Variants in NIN observed in about 807,000 individuals in gnomAD.
The protein encoded by NIN is glycogen synthase kinase 3 beta-interacting protein.
NIN carries 137 observed loss-of-function variants against 257.6 expected under a neutral mutation model. The observed-to-expected ratio is 0.53, with a 90% CI of 0.46 to 0.61. The LOEUF is 0.61. NIN is among the 20% of genes least tolerant of loss of function. The pLI, the probability that NIN is intolerant of heterozygous loss-of-function variation, is 0.00. For missense variants in NIN, 2,439 were observed against 2,501.2 expected (o/e 0.98, Z 0.53); for synonymous variants, 918 against 919.8 (o/e 1.00, Z 0.04).
chr14:50,806,945 T>C, intron 3 of NIN, 127 bp from the exon 4 acceptor site: 1 of 484,570 alleles, frequency 2.1e-6, no homozygotes, highest in South Asian at 3.7e-5. Flanking sequence ...ATCCAATTTG[T>C]TGCCCTTTTC....
chr14:50,758,110 T>C lies in NIN; in HGVS notation c.2920A>G (p.Met974Val). 5 of 1,614,214 alleles carry C rather than the reference T, an allele frequency of 3.1e-6. No homozygotes were observed. Among genetic ancestry groups the C allele is most frequent in the Non-Finnish European group, 4.2e-6 (5 of 1,180,036 alleles). ...TCCTGCCTTTCCTGGTCATGTTCCA[T>C]TTCTAGTCTTTCCAGCCGCTGGCTG... ...LASQRLERLEMEHDQERQEMM... is the reference protein window; with the variant it reads ...LASQRLERLEVEHDQERQEMM... The change falls in exon 18 of 31, where the codon ATG (methionine) becomes GTG (valine). Residue 974 changes from methionine (M) to valine (V), a missense_variant. Physicochemically the swap from Met to Val is conservative, Grantham distance 21. This residue lies in a region of NIN where 2,043 missense variants were observed against 2,050.2 expected (regional missense o/e 1.00). Transcript: ENST00000530997.
At chr14:50,820,232 G>T (rs768749419) in intron 3 of NIN, among the ~76,000 whole-genome samples, 1 of 152,140 alleles carries the variant, frequency 6.6e-6, no homozygotes, top group Non-Finnish European at 1.5e-5. Context: ...AATAGCAAGC[G>T]TCAGAAGCAG....
intron 27 of NIN, among the ~76,000 whole-genome samples, chr14:50,736,586 A>T (rs1403232511): frequency 1.3e-5 from 2 of 152,234 alleles, no homozygotes; most frequent in African/African-American, 4.8e-5. Context: ...AAGAATTGTG[A>T]AACAGAAGTG....
intron 4 of NIN, among the ~76,000 whole-genome samples, chr14:50,799,897 C>T (rs1327879225): frequency 6.6e-6 from 1 of 152,044 alleles, no homozygotes; most frequent in African/African-American, 2.4e-5. Context: ...ATCGCTTGAA[C>T]CCGGGAGGCA....
At chr14:50,817,935 C>T (rs1229876290) in intron 3 of NIN, among the ~76,000 whole-genome samples, 2 of 151,932 alleles carry the variant, frequency 1.3e-5, no homozygotes, top group Non-Finnish European at 2.9e-5. Context: ...AGGCTGCTCT[C>T]GAATTCCTGA....
intron 28 of NIN, among the ~76,000 whole-genome samples, chr14:50,734,064 C>A (rs1249753991): frequency 2.0e-5 from 3 of 151,352 alleles, no homozygotes; most frequent in Non-Finnish European, 4.4e-5. Context: ...TTAAATAGCT[C>A]CATTTCTTCT....
intron 26 of NIN, among the ~76,000 whole-genome samples, chr14:50,738,809 AG>A (rs1489974922): frequency 6.6e-6 from 1 of 152,206 alleles, no homozygotes; most frequent in East Asian, 1.9e-4. Context: ...CCTCCTCAAA[AG>A]GGGTGTTAAG....
In NIN at chr14:50,763,961, G is replaced by GT; in HGVS notation, c.1638dup (p.Leu547ThrfsTer7). The GT allele has an allele frequency of 6.2e-7, 1 of 1,613,138 alleles. No homozygotes were observed. The highest frequency in any genetic ancestry group is 8.5e-7 in the Non-Finnish European group (1 of 1,179,224). On this transcript the variant is annotated frameshift_variant, in exon 15 of 31. Transcript: ENST00000530997. LOFTEE classifies it high-confidence loss of function. ...TGGAGTTCATCTACTTGGTCTTGTA[G>GT]TACCTGGGATTTAAAAACCAACACT... is the stretch of plus-strand genomic sequence containing the variant.
At chr14:50,735,378 G>GT in intron 28 of NIN, 138 bp downstream of exon 28, 2 of 1,258,634 alleles carry the variant, frequency 1.6e-6, no homozygotes, top group South Asian at 3.4e-5. Flanking sequence ...TGGTAAGGCG[G>GT]ACCAAAGAAT....
At chr14:50,759,617 C>A (rs976373427) in intron 17 of NIN, among the ~76,000 whole-genome samples, 2 of 152,078 alleles carry the variant, frequency 1.3e-5, no homozygotes, top group African/African-American at 4.8e-5. Flanking sequence ...CCTCAGCCTC[C>A]AGAGTAGCTG....
chr14:50,755,674 TTTTTA>T (rs1480164648), intron 18 of NIN, among the ~76,000 whole-genome samples: 10,622 of 93,850 alleles, frequency 0.11, 841 homozygotes, highest in African/African-American at 0.13. Flanking sequence ...TTTTTTTTTT[TTTTTA>T]AAAGAGACAG....
rs45558232 is a variant in NIN, at chr14:50,722,036, C to T, written c.*1427G>A. The T allele has an allele frequency of 0.19, 42,694 of 228,252 alleles. 5,109 individuals are homozygous for T. The highest frequency in any genetic ancestry group is 0.36 in the African/African-American group (16,183 of 45,064). 14.1% of individuals were successfully genotyped at this position (228,252 alleles called of 1,614,324 possible). A position where few individuals can be genotyped will look rare whatever the true frequency, so the allele number is the denominator to read the frequency against. On this transcript the variant is annotated 3_prime_UTR_variant, in exon 31 of 31. Coordinates refer to ENST00000530997, the MANE Select transcript of NIN (RefSeq NM_020921.4). ...TTGGCCCTCCAGGAATATATCAAAG[C>T]GAACTTTTCGGATTATTGTCTCATG...
At chr14:50,810,480 C>T (rs1294566318) in intron 3 of NIN, among the ~76,000 whole-genome samples, 1 of 151,924 alleles carries the variant, frequency 6.6e-6, no homozygotes, top group African/African-American at 2.4e-5. Flanking sequence ...CTGCTTGAGG[C>T]CAGGAGTTTG....
Position 50,766,855 on chromosome 14 carries a change from A to G in NIN, c.1470T>C (p.Asn490=), listed in dbSNP as rs1345790107. ...TCTCATATTCTGCCAACTTCTCTGC[A>G]TTTTCTAGAAGCTCATTTTCCAGAC... The part of the protein sequence containing the change: ...NSRLENELLE[N]AEKLAEYENL... Residue 490 remains asparagine, a synonymous_variant, in exon 13 of 31, where the codon AAT becomes AAC. Coordinates refer to ENST00000530997, the MANE Select transcript of NIN (RefSeq NM_020921.4). 6.2e-7 allele frequency: 1 copy of G among 1,613,800 alleles called. No individual in the cohort carries two copies. Among genetic ancestry groups the G allele is most frequent in the African/African-American group, 1.3e-5 (1 of 74,922 alleles).
chr14:50,763,642 T>C lies in NIN; in HGVS notation c.1774+184A>G, dbSNP rs60052918. The stretch of plus-strand genomic sequence containing the variant: ...TCAAAATCAGATGGAAATGTTCTCA[T>C]AAAAACTTCAAGGACAAATGAAAAA... On this transcript the variant is annotated intron_variant, in intron 15 of 30. Transcript: ENST00000530997. 0.014 allele frequency among the ~76,000 whole-genome samples: 2,187 copies of C among 152,076 alleles called. 50 individuals carry two copies. Among genetic ancestry groups the C allele is most frequent in the African/African-American group, 0.05 (2,063 of 41,456 alleles).
intron 24 of NIN, 163 bp from the exon 25 acceptor site, chr14:50,741,891 G>A (rs1223777627): frequency 9.7e-6 from 6 of 621,566 alleles, no homozygotes; most frequent in East Asian, 2.7e-5. Flanking sequence ...AGGACAGTAG[G>A]TATATTTACA....
chr14:50,742,364 T>A (rs1227959165), intron 24 of NIN: 1 of 151,022 alleles, frequency 6.6e-6, no homozygotes, highest in Non-Finnish European at 1.5e-5. Context: ...CAAGTGGTGA[T>A]CCAGCCTGGG....
intron 4 of NIN, among the ~76,000 whole-genome samples, chr14:50,805,479 G>A (rs1243948816): frequency 6.6e-6 from 1 of 152,080 alleles, no homozygotes; most frequent in Admixed American, 6.5e-5. Context: ...CACCATCCCC[G>A]AAAAAGGCGG....
At chr14:50,799,319 C>T (rs2043979407) in intron 4 of NIN, among the ~76,000 whole-genome samples, 1 of 152,174 alleles carries the variant, frequency 6.6e-6, no homozygotes, top group Non-Finnish European at 1.5e-5. Flanking sequence ...CCAGGGAGCT[C>T]CAGCCACACT....
Sources: gnomAD v4.1 joint callset for allele counts (sites outside exome capture counted in the v4.1 genomes callset) on GRCh38, gnomAD v4.1.1 for gene constraint, gnomAD v4.1.1 regional missense constraint, MANE v1.5 for transcripts, NCBI Gene and HGNC (gene_info 2026-07-23, HGNC 2026-07-21) for gene names.